The following DOCK3 variants were observed in gnomAD, a reference collection of about 807,000 sequenced individuals.
DOCK3 encodes the protein dedicator of cytokinesis 3.
Under a neutral mutation model 265.6 loss-of-function variants are expected in DOCK3, and 60 were observed. The ratio of observed to expected loss-of-function variants is 0.23; its 90% CI spans 0.18 to 0.28. DOCK3 has a LOEUF of 0.28. DOCK3 is among the 10% of genes least tolerant of loss of function. The probability of loss-of-function intolerance (pLI) is 1.00; values close to 1 mark genes in which losing one functional copy is unlikely to be tolerated. For missense variants in DOCK3, 1,981 were observed against 2,594.3 expected (o/e 0.76, Z 5.14); for synonymous variants, 881 against 938.0 (o/e 0.94, Z 1.11).
chr3:50,692,405 C>T (rs533739557), intron 1 of DOCK3, among the ~76,000 whole-genome samples: 3 of 152,202 alleles, frequency 2.0e-5, no homozygotes, highest in South Asian at 2.1e-4. Context: ...TCATAAGGAG[C>T]GTGCAACCTA....
rs2675811 is a variant in DOCK3, at chr3:50,747,661, C to T, written c.38-31014C>T. Among the ~76,000 whole-genome samples the T allele has an allele frequency of 3.3e-3, 497 of 152,124 alleles. 7 individuals are homozygous for T. The highest frequency in any genetic ancestry group is 0.011 in the African/African-American group (454 of 41,502). On this transcript the variant is annotated intron_variant, in intron 1 of 52. Transcript: ENST00000266037. Reference sequence around the variant, plus strand: ...GACGGATCACTTGAGGTCAGGAATTCGAGACCAGCCTGGCCAGCATGGTGA... The same window carrying T: ...GACGGATCACTTGAGGTCAGGAATTTGAGACCAGCCTGGCCAGCATGGTGA...
intron 4 of DOCK3, among the ~76,000 whole-genome samples, chr3:50,920,732 T>C (rs1452339007): frequency 2.0e-5 from 3 of 152,204 alleles, no homozygotes; most frequent in Non-Finnish European, 4.4e-5. Context: ...GAAGGGTTTT[T>C]TGTGTGTCTA....
At chr3:50,723,608 A>G (rs997331289) in intron 1 of DOCK3, among the ~76,000 whole-genome samples, 4 of 152,218 alleles carry the variant, frequency 2.6e-5, no homozygotes, top group African/African-American at 7.2e-5. Context: ...AGGATTCCCT[A>G]TTTAATAAAT....
chr3:50,675,951 A>G lies in DOCK3; in HGVS notation c.37+651A>G, dbSNP rs1400475639. On this transcript the variant is annotated intron_variant, in intron 1 of 52. Transcript: ENST00000266037. The surrounding 1 kb of genome is among the most constrained non-coding windows in gnomAD (Gnocchi z 6.1). ...CTTAGAAACCTTTTTTTAATGTTGT[A>G]AGTGTTAAACTCCAGAAGCTAAATA... Among the ~76,000 whole-genome samples, 2 of 152,030 alleles carry G rather than the reference A, an allele frequency of 1.3e-5. No homozygotes were observed. The highest frequency in any genetic ancestry group is 3.2e-3 in the Middle Eastern group (1 of 316).
intron 4 of DOCK3, among the ~76,000 whole-genome samples, chr3:50,917,834 T>C (rs1196347592): frequency 2.0e-5 from 3 of 152,108 alleles, no homozygotes; most frequent in Admixed American, 2.0e-4. Context: ...TATGTATACA[T>C]GTGACATGTT....
At chr3:51,150,713 G>C (rs1393260148) in intron 10 of DOCK3, among the ~76,000 whole-genome samples, 1 of 152,136 alleles carries the variant, frequency 6.6e-6, no homozygotes, top group South Asian at 2.1e-4. Flanking sequence ...AGTTTATTGT[G>C]ATTTCTGTTC....
At chr3:50,936,459 C>A (rs990070114) in intron 5 of DOCK3, among the ~76,000 whole-genome samples, 1 of 151,556 alleles carries the variant, frequency 6.6e-6, no homozygotes, top group East Asian at 1.9e-4. Flanking sequence ...ATTCGGGAAG[C>A]TTAGTGAACT....
intron 3 of DOCK3, among the ~76,000 whole-genome samples, chr3:50,858,173 C>A (rs1473102310): frequency 6.6e-6 from 1 of 151,960 alleles, no homozygotes; most frequent in Admixed American, 6.6e-5. Flanking sequence ...CAAACTGTCA[C>A]GAGGACAGAA....
At position 51,381,138 on chromosome 3, in the gene DOCK3, G is replaced by A; in HGVS notation, c.5672G>A (p.Ser1891Asn). ...TCTACGCTGTCCGGCAGTGCCAGCA[G>A]CGGCGTGTCCTCCTTGAGTGAGAGT... ...SNSTLSGSAS[S>N]GVSSLSESNF... is the part of the protein sequence containing the mutation. Residue 1891 changes from serine to asparagine, a missense_variant, in exon 53 of 53, where the codon AGC becomes AAC. By Grantham distance (46) the Ser-to-Asn change is conservative. Coordinates refer to ENST00000266037, the MANE Select transcript of DOCK3 (RefSeq NM_004947.5). The surrounding 1 kb of genome is among the most constrained non-coding windows in gnomAD (Gnocchi z 5.6). 6.2e-7 allele frequency: 1 copy of A among 1,613,944 alleles called. No individual in the cohort carries two copies. The highest frequency in any genetic ancestry group is 1.7e-5 in the Admixed American group (1 of 60,020).
intron 5 of DOCK3, among the ~76,000 whole-genome samples, chr3:50,974,919 A>C (rs1025477902): frequency 2.4e-5 from 3 of 124,932 alleles, no homozygotes; most frequent in Non-Finnish European, 5.1e-5. Flanking sequence ...ATGGGAGTTC[A>C]GTCATGATTT....
intron 22 of DOCK3, among the ~76,000 whole-genome samples, chr3:51,252,146 A>G (rs1286193480): frequency 6.6e-5 from 10 of 152,070 alleles, no homozygotes; most frequent in Admixed American, 6.5e-4. Context: ...TGTTTTTGTC[A>G]GGTTTGTCAA....
At chr3:50,988,669 T>C (rs963482531) in intron 5 of DOCK3, among the ~76,000 whole-genome samples, 10 of 152,200 alleles carry the variant, frequency 6.6e-5, no homozygotes, top group Non-Finnish European at 1.0e-4. Flanking sequence ...TGGGACAGGC[T>C]GCCATCTTTG....
At chr3:51,082,822 A>G (rs1576006540) in intron 7 of DOCK3, among the ~76,000 whole-genome samples, 1 of 152,062 alleles carries the variant, frequency 6.6e-6, no homozygotes, top group East Asian at 1.9e-4. Context: ...ACAGACCTAT[A>G]GGATAGGTCT....
intron 2 of DOCK3, among the ~76,000 whole-genome samples, chr3:50,796,363 A>G (rs1327957777): frequency 1.6e-5 from 2 of 124,874 alleles, no homozygotes; most frequent in East Asian, 4.8e-4. Flanking sequence ...TTTGAGATGG[A>G]GTTTTGCTCT....
At chr3:51,051,873 G>A (rs2081005865) in intron 5 of DOCK3, among the ~76,000 whole-genome samples, 1 of 152,020 alleles carries the variant, frequency 6.6e-6, no homozygotes, top group South Asian at 2.1e-4. Context: ...CAAGGGGGTG[G>A]GAGAGGTGCC....
chr3:50,868,901 GTTTTTTTTTTTTT>G (rs147898866), intron 3 of DOCK3, among the ~76,000 whole-genome samples: 6 of 14,266 alleles, frequency 4.2e-4, no homozygotes, highest in Non-Finnish European at 8.1e-4. Flanking sequence ...TGGATAATCT[GTTTTTTTTTTTTT>G]TTTTTTTTTT....
chr3:51,219,537 A>G (rs1029177886), intron 14 of DOCK3, among the ~76,000 whole-genome samples: 3 of 152,238 alleles, frequency 2.0e-5, no homozygotes, highest in African/African-American at 7.2e-5. Flanking sequence ...TGGAATGTCT[A>G]GAAAATCTTA....
At chr3:50,928,634 G>A (rs1482015715) in intron 4 of DOCK3, among the ~76,000 whole-genome samples, 1 of 152,076 alleles carries the variant, frequency 6.6e-6, no homozygotes, top group Admixed American at 6.6e-5. Context: ...TGTTTTATTT[G>A]TGCTTGGTTT....
chr3:50,859,186 A>G (rs1290016341), intron 3 of DOCK3, among the ~76,000 whole-genome samples: 1 of 147,836 alleles, frequency 6.8e-6, no homozygotes, highest in Admixed American at 6.7e-5. Context: ...CCTGGTCAAG[A>G]ACTCTTGTTG....
Sources: allele counts gnomAD v4.1 joint callset (sites outside exome capture counted in the v4.1 genomes callset), GRCh38; gene constraint gnomAD v4.1.1; non-coding constraint Gnocchi (gnomAD v3.1); transcripts MANE v1.5; gene names NCBI Gene and HGNC (gene_info 2026-07-23, HGNC 2026-07-21).